Variants in ACYP2 observed in about 807,000 individuals in gnomAD.
The protein encoded by ACYP2 is acylphosphatase 2.
ACYP2 carries 12 observed loss-of-function variants against 11.2 expected under a neutral mutation model. The observed-to-expected ratio is 1.08, with a 90% confidence interval of 0.69 to 1.74. ACYP2 has a LOEUF of 1.74. Ranked by LOEUF, ACYP2 falls within the 40% of genes most tolerant of loss-of-function variation. The probability of loss-of-function intolerance (pLI) is 0.00; values close to 1 mark genes in which losing one functional copy is unlikely to be tolerated. For missense variants in ACYP2, 134 were observed against 101.9 expected (o/e 1.31, Z -1.35); for synonymous variants, 43 against 32.2 (o/e 1.33, Z -1.13).
At chr2:54,142,159 C>T (rs1681646142) in intron 6 of ACYP2, 1 of 368,240 alleles carries the variant, frequency 2.7e-6, no homozygotes, top group Admixed American at 4.6e-5. Flanking sequence ...CAAAAATAAA[C>T]TTTATTTTTG....
At chr2:54,296,825 T>C (rs1381992346) in intron 6 of ACYP2, among the ~76,000 whole-genome samples, 1 of 152,242 alleles carries the variant, frequency 6.6e-6, no homozygotes, top group African/African-American at 2.4e-5. Flanking sequence ...TTTACATTAT[T>C]ATTCTTTCAT....
intron 4 of ACYP2, among the ~76,000 whole-genome samples, chr2:54,066,465 C>T (rs912552094): frequency 3.3e-5 from 5 of 152,118 alleles, no homozygotes; most frequent in Admixed American, 1.3e-4. Context: ...ACGCTTCAAC[C>T]GTATGAAATA....
intron 2 of ACYP2, among the ~76,000 whole-genome samples, chr2:53,974,778 G>A (rs1573420245): frequency 6.6e-6 from 1 of 152,174 alleles, no homozygotes; most frequent in Non-Finnish European, 1.5e-5. Context: ...ATTTCTGTCT[G>A]CCAGTGCTTT....
chr2:54,009,074 A>G (rs927814716), intron 2 of ACYP2, among the ~76,000 whole-genome samples: 4 of 151,884 alleles, frequency 2.6e-5, no homozygotes, highest in African/African-American at 9.7e-5. Flanking sequence ...AATTGCTTGA[A>G]TCTGGGAGGC....
In ACYP2 at chr2:54,115,511, C is replaced by T. The variant is rs367680781; in HGVS notation, c.278-19942C>T. Reference sequence around the variant, plus strand: ...CTTCCCTCCTGGCGTCCCCGGCTGCCCTCGCTCCCAGGCCCCGCAGTCTCA... The same window carrying T: ...CTTCCCTCCTGGCGTCCCCGGCTGCTCTCGCTCCCAGGCCCCGCAGTCTCA... On this transcript the variant is annotated intron_variant, in intron 4 of 6. Coordinates refer to ENST00000607452, the MANE Select transcript of ACYP2 (RefSeq NM_001320586.2). 1.1e-4 allele frequency: 166 copies of T among 1,449,304 alleles called. 1 individual carries two copies. In the African/African-American group the frequency reaches 2.0e-3, roughly 18 times the overall value. 89.8% of individuals were successfully genotyped at this position (1,449,304 alleles called of 1,614,324 possible).
At chr2:54,046,265 G>A (rs998584735) in intron 2 of ACYP2, among the ~76,000 whole-genome samples, 2 of 151,528 alleles carry the variant, frequency 1.3e-5, no homozygotes, top group African/African-American at 4.9e-5. Flanking sequence ...CATTACTTGA[G>A]GTCAGGAGTT....
intron 4 of ACYP2, among the ~76,000 whole-genome samples, chr2:54,118,431 A>T (rs139122447): frequency 6.6e-6 from 1 of 152,186 alleles, no homozygotes; most frequent in Non-Finnish European, 1.5e-5. Flanking sequence ...TTACTTAATC[A>T]TCACAATTTT....
chr2:54,223,920 A>T (rs1453602247), intron 6 of ACYP2, among the ~76,000 whole-genome samples: 1 of 152,164 alleles, frequency 6.6e-6, no homozygotes, highest in Non-Finnish European at 1.5e-5. Context: ...TTATTTATTA[A>T]ATAAAACATT....
intron 4 of ACYP2, among the ~76,000 whole-genome samples, chr2:54,074,578 TTGTGTGTGTGTGTGTGTGTGTGTGTG>T (rs59845178): frequency 1.4e-5 from 2 of 146,058 alleles, no homozygotes; most frequent in African/African-American, 2.6e-5. Context: ...AGAACAGAAT[TTGTGTGTGTGTGTGTGTGTGTGTGTG>T]TGTGTGTGTG....
chr2:54,114,109 A>C (rs1679605924), intron 4 of ACYP2, among the ~76,000 whole-genome samples: 1 of 152,010 alleles, frequency 6.6e-6, no homozygotes, highest in African/African-American at 2.4e-5. Context: ...GGCACAGTAT[A>C]TTGAATCAGA....
chr2:54,045,134 G>A (rs1045511495), intron 2 of ACYP2, among the ~76,000 whole-genome samples: 1 of 152,138 alleles, frequency 6.6e-6, no homozygotes, highest in African/African-American at 2.4e-5. Context: ...ACATCAGCTG[G>A]TCTGAACGAC....
At chr2:53,986,947 A>G (rs1208504612) in intron 2 of ACYP2, among the ~76,000 whole-genome samples, 1 of 152,146 alleles carries the variant, frequency 6.6e-6, no homozygotes, top group Admixed American at 6.6e-5. Flanking sequence ...TTTATAAATT[A>G]TCCAGTCTCT....
At chr2:54,131,741 T>C (rs1680911606) in intron 4 of ACYP2, among the ~76,000 whole-genome samples, 2 of 152,214 alleles carry the variant, frequency 1.3e-5, no homozygotes, top group African/African-American at 4.8e-5. Flanking sequence ...GATGCAATTC[T>C]TACCTGAAAT....
chr2:54,255,503 C>T, intron 6 of ACYP2: 1 of 1,613,922 alleles, frequency 6.2e-7, no homozygotes, highest in African/African-American at 1.3e-5. Context: ...TCAGCCTCTG[C>T]ATTCACGGAG....
At chr2:53,979,367 G>A (rs558894571) in intron 2 of ACYP2, among the ~76,000 whole-genome samples, 4 of 152,006 alleles carry the variant, frequency 2.6e-5, no homozygotes, top group Non-Finnish European at 5.9e-5. Context: ...GGTGGCTCAC[G>A]CTTGTAATCC....
intron 2 of ACYP2, chr2:54,029,869 G>T (rs976807872): frequency 1.8e-4 from 52 of 288,612 alleles, no homozygotes; most frequent in African/African-American, 8.8e-4. Flanking sequence ...TTACAGATTT[G>T]TTCCCAGAAC....
intron 2 of ACYP2, among the ~76,000 whole-genome samples, chr2:54,015,238 T>C (rs1028121847): frequency 3.3e-5 from 5 of 151,248 alleles, no homozygotes; most frequent in Non-Finnish European, 7.4e-5. Context: ...CAGGCGGGTG[T>C]GGTGGCTCAC....
intron 6 of ACYP2, among the ~76,000 whole-genome samples, chr2:54,298,249 ATTAT>A (rs1272246952): frequency 6.6e-6 from 1 of 152,218 alleles, no homozygotes; most frequent in Non-Finnish European, 1.5e-5. Context: ...AAAAGGATAA[ATTAT>A]TTAGTAAAAG....
intron 6 of ACYP2, among the ~76,000 whole-genome samples, chr2:54,242,529 A>G (rs187337636): frequency 1.9e-4 from 29 of 152,350 alleles, no homozygotes; most frequent in Admixed American, 9.8e-4. Context: ...AAATATATAC[A>G]GTCATATGCC....
Sources: gnomAD v4.1 joint callset for allele counts (sites outside exome capture counted in the v4.1 genomes callset) on GRCh38, gnomAD v4.1.1 for gene constraint, MANE v1.5 for transcripts, NCBI Gene and HGNC (gene_info 2026-07-23, HGNC 2026-07-21) for gene names.